The following PCDH15 variants were observed in gnomAD, a reference collection of about 807,000 sequenced individuals.
PCDH15 encodes the protein protocadherin related 15, also known as protocadherin-15.
PCDH15 carries 129 observed loss-of-function variants against 178.5 expected under a neutral mutation model. That is an observed-to-expected ratio of 0.72 (90% CI 0.63 to 0.84). The LOEUF is 0.84. Among genes scored for constraint, PCDH15 ranks in the 40% least tolerant of loss-of-function variants. The pLI, the probability that PCDH15 is intolerant of heterozygous loss-of-function variation, is 0.00. For synonymous variants in PCDH15, 800 were observed against 732.0 expected (o/e 1.09, Z -1.50); for missense variants, 2,230 against 2,099.9 (o/e 1.06, Z -1.21).
intron 1 of PCDH15, among the ~76,000 whole-genome samples, chr10:54,778,429 A>G (rs1949937011): frequency 6.6e-6 from 1 of 152,190 alleles, no homozygotes; most frequent in South Asian, 2.1e-4. Context: ...TGTTTCTCTG[A>G]ATAAGTATTA....
At chr10:54,182,645 T>C (rs2048099965) in intron 13 of PCDH15, among the ~76,000 whole-genome samples, 1 of 152,170 alleles carries the variant, frequency 6.6e-6, no homozygotes, top group Non-Finnish European at 1.5e-5. Flanking sequence ...TACCATTTAC[T>C]ATCTAACTTA....
At chr10:55,090,275 A>T (rs923853494) in intron 2 of PCDH15, among the ~76,000 whole-genome samples, 2 of 152,110 alleles carry the variant, frequency 1.3e-5, no homozygotes, top group African/African-American at 4.8e-5. Flanking sequence ...AACTTAAAAA[A>T]TACCAAAACA....
chr10:54,381,731 A>C (rs1438560468), intron 3 of PCDH15, among the ~76,000 whole-genome samples: 1 of 152,104 alleles, frequency 6.6e-6, no homozygotes, highest in Non-Finnish European at 1.5e-5. Context: ...CAGAATAGGT[A>C]ATACCCAAGA....
chr10:55,117,085 T>C (rs1341930209), intron 2 of PCDH15, among the ~76,000 whole-genome samples: 1 of 152,180 alleles, frequency 6.6e-6, no homozygotes, highest in Non-Finnish European at 1.5e-5. Flanking sequence ...GGGTCTTCAG[T>C]TCTGAAGGTT....
At chr10:55,474,498 G>C (rs1840025205) in intron 2 of PCDH15, among the ~76,000 whole-genome samples, 2 of 152,314 alleles carry the variant, frequency 1.3e-5, no homozygotes, top group South Asian at 2.1e-4. Context: ...TTAGCTAATA[G>C]GGAGTTTCAC....
At chr10:54,962,695 T>G (rs1371377189) in intron 2 of PCDH15, among the ~76,000 whole-genome samples, 1 of 152,202 alleles carries the variant, frequency 6.6e-6, no homozygotes, top group Non-Finnish European at 1.5e-5. Context: ...CCACAGCAGC[T>G]GGGTTGCTTG....
chr10:54,920,980 A>G (rs1403412299), intron 2 of PCDH15, among the ~76,000 whole-genome samples: 5 of 152,184 alleles, frequency 3.3e-5, no homozygotes, highest in South Asian at 2.1e-4. Flanking sequence ...CTGCCTGCCA[A>G]TGAAGCCCCA....
chr10:55,585,224 T>A (rs2132125010), intron 2 of PCDH15, among the ~76,000 whole-genome samples: 1 of 152,152 alleles, frequency 6.6e-6, no homozygotes, highest in East Asian at 1.9e-4. Flanking sequence ...GGGTAAAAAA[T>A]TACATGGATA....
chr10:54,700,049 T>C lies in PCDH15; in HGVS notation c.-28-35759A>G, dbSNP rs757193305. The stretch of plus-strand genomic sequence containing the variant: ...CATGAAGGGGCTAAACTAACAAAGC[T>C]AGGGGCCTGGCATTAGCCCCCCAGA... On this transcript the variant is annotated intron_variant, in intron 1 of 37. Transcript: ENST00000644397. Among the ~76,000 whole-genome samples the C allele has an allele frequency of 1.9e-4, 29 of 152,050 alleles. 1 individual carries two copies. The highest frequency in any genetic ancestry group is 2.6e-4 in the Admixed American group (4 of 15,242).
chr10:53,870,713 A>C, intron 26 of PCDH15, among the ~76,000 whole-genome samples: 1 of 152,170 alleles, frequency 6.6e-6, no homozygotes, highest in East Asian at 1.9e-4. Context: ...TAAAATCCGA[A>C]ACCTCTCCTC....
chr10:54,022,855 T>G, intron 19 of PCDH15, 37 bp downstream of exon 19: 1 of 1,605,896 alleles, frequency 6.2e-7, no homozygotes, highest in South Asian at 1.1e-5. Flanking sequence ...AATCTCCTAA[T>G]GTAGGATTCA....
At chr10:55,592,445 A>G (rs1842861400) in intron 2 of PCDH15, among the ~76,000 whole-genome samples, 1 of 152,204 alleles carries the variant, frequency 6.6e-6, no homozygotes, top group East Asian at 1.9e-4. Context: ...CCAGCCAGGC[A>G]GCTCTGTCCT....
chr10:54,633,657 C>T (rs960783615), intron 2 of PCDH15, among the ~76,000 whole-genome samples: 4 of 151,990 alleles, frequency 2.6e-5, no homozygotes, highest in Non-Finnish European at 4.4e-5. Context: ...GAAAAAGAAA[C>T]AGTGTAAATA....
At chr10:55,126,473 G>A (rs1251564134) in intron 2 of PCDH15, among the ~76,000 whole-genome samples, 1 of 152,044 alleles carries the variant, frequency 6.6e-6, no homozygotes, top group Non-Finnish European at 1.5e-5. Context: ...GGTCTCAATA[G>A]GGGTGAAAAT....
intron 9 of PCDH15, among the ~76,000 whole-genome samples, chr10:54,233,377 A>C (rs2054281090): frequency 6.6e-6 from 1 of 152,110 alleles, no homozygotes; most frequent in African/African-American, 2.4e-5. Flanking sequence ...TATTTTTCTG[A>C]TTTTATTTCT....
chr10:55,366,195 TG>T (rs1845356072), intron 2 of PCDH15: 1 of 152,132 alleles, frequency 6.6e-6, no homozygotes, highest in South Asian at 2.1e-4. Flanking sequence ...TAGGGTGAAG[TG>T]GGCTTTTTCC....
chr10:53,819,822 T>C (rs1469502598), intron 33 of PCDH15, among the ~76,000 whole-genome samples: 1 of 151,996 alleles, frequency 6.6e-6, no homozygotes, highest in African/African-American at 2.4e-5. Flanking sequence ...AACTGACTTT[T>C]ATAATGTATC....
intron 15 of PCDH15, among the ~76,000 whole-genome samples, chr10:54,105,295 TATATATATATATATATATATATAC>T (rs1249936407): frequency 1.0e-5 from 1 of 95,800 alleles, no homozygotes; most frequent in African/African-American, 4.9e-5. Context: ...TATATATATA[TATATATATATATATATATATATAC>T]ACACACACAT....
chr10:55,220,613 ATGT>A (rs1840846303), intron 1 of PCDH15, among the ~76,000 whole-genome samples: 1 of 152,070 alleles, frequency 6.6e-6, no homozygotes, highest in Non-Finnish European at 1.5e-5. Context: ...ACTATACTAA[ATGT>A]TGTAAGCAAT....
Sources: gnomAD v4.1 joint callset for allele counts (sites outside exome capture counted in the v4.1 genomes callset) on GRCh38, gnomAD v4.1.1 for gene constraint, MANE v1.5 for transcripts, NCBI Gene and HGNC (gene_info 2026-07-23, HGNC 2026-07-21) for gene names.